Variants in PEAK1 observed in about 807,000 individuals in gnomAD.
PEAK1 encodes pseudopodium enriched atypical kinase 1, also known as inactive tyrosine-protein kinase PEAK1.
In PEAK1, 54 loss-of-function variants were observed where a neutral mutation model predicts 124.7. The observed-to-expected ratio is 0.43, with a 90% CI of 0.35 to 0.54. PEAK1 has a LOEUF of 0.54. PEAK1 is among the 20% of genes least tolerant of loss of function. The probability of loss-of-function intolerance (pLI) is 0.01; values close to 1 mark genes in which losing one functional copy is unlikely to be tolerated. For synonymous variants in PEAK1, 719 were observed against 760.0 expected (o/e 0.95, Z 0.89); for missense variants, 2,046 against 2,134.5 (o/e 0.96, Z 0.82).
intron 2 of PEAK1, among the ~76,000 whole-genome samples, chr15:77,304,418 C>T (rs923761361): frequency 2.0e-5 from 3 of 148,966 alleles, no homozygotes; most frequent in Non-Finnish European, 4.5e-5. Context: ...AGTTTTCTAA[C>T]TGTAGCTCCT....
At chr15:77,347,479 C>G in intron 2 of PEAK1, 1 of 985,312 alleles carries the variant, frequency 1.0e-6, no homozygotes, top group Non-Finnish European at 1.2e-6. Flanking sequence ...GGCTGGCACA[C>G]CTGGACAAGG....
intron 5 of PEAK1, among the ~76,000 whole-genome samples, chr15:77,275,711 A>AAAAT (rs986378735): frequency 2.0e-5 from 3 of 151,974 alleles, no homozygotes; most frequent in Non-Finnish European, 4.4e-5. Context: ...CTGTCTCAAA[A>AAAAT]AAATAAATAA....
chr15:77,362,823 A>C (rs1321109620), intron 2 of PEAK1, among the ~76,000 whole-genome samples: 1 of 151,242 alleles, frequency 6.6e-6, no homozygotes, highest in African/African-American at 2.4e-5. Context: ...TGTGGATGAA[A>C]AAAAAGAAAA....
At chr15:77,191,789 A>G (rs2057846091) in intron 6 of PEAK1, among the ~76,000 whole-genome samples, 2 of 152,230 alleles carry the variant, frequency 1.3e-5, no homozygotes, top group African/African-American at 4.8e-5. Context: ...TTCAACTAGT[A>G]TAATACTAGT....
chr15:77,286,147 T>C (rs2062920216), intron 3 of PEAK1, among the ~76,000 whole-genome samples: 1 of 152,194 alleles, frequency 6.6e-6, no homozygotes, highest in Non-Finnish European at 1.5e-5. Flanking sequence ...GAGCAGGCTG[T>C]TCAGTTTCCA....
At chr15:77,199,284 C>CA (rs1265327596) in intron 6 of PEAK1, among the ~76,000 whole-genome samples, 3 of 152,162 alleles carry the variant, frequency 2.0e-5, no homozygotes, top group African/African-American at 7.2e-5. Flanking sequence ...TGGTATTAGG[C>CA]AATGTCCCTG....
intron 7 of PEAK1, among the ~76,000 whole-genome samples, chr15:77,164,200 C>T (rs1461789969): frequency 2.0e-5 from 3 of 152,226 alleles, no homozygotes; most frequent in Admixed American, 2.0e-4. Flanking sequence ...TTGACATTCT[C>T]AGATAGAGAA....
intron 2 of PEAK1, chr15:77,348,702 C>A (rs979435061): frequency 1.0e-6 from 1 of 984,666 alleles, no homozygotes; most frequent in Non-Finnish European, 1.2e-6. Context: ...ATCTGACTCA[C>A]GGGAAAACCC....
rs2057226734 is a variant in PEAK1 at position 77,180,928 on chromosome 15, A to G, written c.999T>C (p.Ile333=). The G allele has an allele frequency of 6.2e-7, 1 of 1,614,094 alleles. No homozygotes were observed. Among genetic ancestry groups the G allele is most frequent in the Non-Finnish European group, 8.5e-7 (1 of 1,180,008 alleles). ...TGGAGTCAGATGACACCATGCTCTG[A>G]ATGCTTCCTTGTCCATAAGAGACCA... ...NSVVSYGQGS[I]QSMVSSDSTS... Residue 333 remains isoleucine, a synonymous_variant, in exon 7 of 10, where the codon ATT becomes ATC. Coordinates refer to ENST00000682557, the MANE Select transcript of PEAK1 (RefSeq NM_001385026.1).
intron 6 of PEAK1, among the ~76,000 whole-genome samples, chr15:77,183,888 T>C (rs2057405732): frequency 6.6e-6 from 1 of 152,120 alleles, no homozygotes; most frequent in Admixed American, 6.5e-5. Flanking sequence ...TGTGTAGTGG[T>C]ATGATCACAG....
chr15:77,366,444 C>A (rs1271221573), intron 1 of PEAK1, among the ~76,000 whole-genome samples: 1 of 152,082 alleles, frequency 6.6e-6, no homozygotes, highest in African/African-American at 2.4e-5. Context: ...CTAGGCTATA[C>A]TGACAGCTAC....
Position 77,268,815 on chromosome 15 carries a change from C to T in PEAK1, c.-275+15068G>A, listed in dbSNP as rs143586103. On this transcript the variant is annotated intron_variant, in intron 5 of 9. Transcript: ENST00000682557. Reference sequence around the variant, plus strand: ...AAACCTATCAGATTAACACAGATTTCGCAGCAGAAACCCTACAAGCTAGAA... The same window carrying T: ...AAACCTATCAGATTAACACAGATTTTGCAGCAGAAACCCTACAAGCTAGAA... Among the ~76,000 whole-genome samples the T allele has an allele frequency of 4.8e-3, 730 of 152,164 alleles. 4 individuals carry two copies. The highest frequency in any genetic ancestry group is 0.016 in the African/African-American group (674 of 41,534).
At chr15:77,193,768 C>T (rs760238202) in intron 6 of PEAK1, among the ~76,000 whole-genome samples, 11 of 152,152 alleles carry the variant, frequency 7.2e-5, no homozygotes, top group African/African-American at 2.7e-4. Context: ...TGCACCACTG[C>T]ACTCCAGCCT....
At chr15:77,209,177 CT>C (rs2058796017) in intron 6 of PEAK1, among the ~76,000 whole-genome samples, 1 of 152,046 alleles carries the variant, frequency 6.6e-6, no homozygotes. Flanking sequence ...TTTTATGTCT[CT>C]TTTTTAATAT....
At chr15:77,348,197 A>G (rs1336755471) in intron 2 of PEAK1, 5 of 984,436 alleles carry the variant, frequency 5.1e-6, no homozygotes, top group Non-Finnish European at 6.0e-6. Context: ...AAAAAAAAAA[A>G]AAAAGAAGAC....
chr15:77,406,540 A>AAAACAAAAT (rs1246248553), intron 1 of PEAK1, among the ~76,000 whole-genome samples: 7 of 152,184 alleles, frequency 4.6e-5, no homozygotes, highest in Non-Finnish European at 8.8e-5. Context: ...ATAGCTGCAA[A>AAAACAAAAT]AAACAAAATA....
intron 9 of PEAK1, 44 bp downstream of exon 9, chr15:77,132,961 T>C (rs2053003579): frequency 2.0e-6 from 3 of 1,533,696 alleles, no homozygotes; most frequent in South Asian, 2.5e-5. Context: ...CCAGTAACAA[T>C]GTAGTGGTTA....
intron 1 of PEAK1, chr15:77,404,417 A>C (rs1468148704): frequency 2.5e-6 from 2 of 806,546 alleles, no homozygotes; most frequent in African/African-American, 3.7e-5. Flanking sequence ...GAAAATATAC[A>C]TTGGATTTGG....
chr15:77,207,867 A>G (rs775871232), intron 6 of PEAK1, among the ~76,000 whole-genome samples: 14 of 152,220 alleles, frequency 9.2e-5, no homozygotes, highest in Non-Finnish European at 1.5e-4. Flanking sequence ...CTAACAAGAA[A>G]ACCATGTTTT....
Sources: gnomAD v4.1 joint callset for allele counts (sites outside exome capture counted in the v4.1 genomes callset) on GRCh38, gnomAD v4.1.1 for gene constraint, MANE v1.5 for transcripts, NCBI Gene and HGNC (gene_info 2026-07-23, HGNC 2026-07-21) for gene names.